CERS6: variants seen among roughly 807,000 people sequenced by gnomAD.
The protein encoded by CERS6 is ceramide synthase 6.
In CERS6, 26 loss-of-function variants were observed where a neutral mutation model predicts 56.8. The observed-to-expected ratio is 0.46, with a 90% CI of 0.34 to 0.63. The LOEUF (loss-of-function observed/expected upper bound fraction) is 0.63. Among genes scored for constraint, CERS6 ranks in the 30% least tolerant of loss-of-function variants. CERS6 has a pLI of 0.01. For synonymous variants in CERS6, 164 were observed against 173.3 expected, an observed-to-expected ratio of 0.95 and a Z score of 0.42; for missense variants, 415 against 467.5, an observed-to-expected ratio of 0.89 and a Z score of 1.04.
At chr2:168,646,086 T>C (rs1404213800) in intron 4 of CERS6, among the ~76,000 whole-genome samples, 1 of 152,204 alleles carries the variant, frequency 6.6e-6, no homozygotes, top group Non-Finnish European at 1.5e-5. Context: ...AAATGGTAGT[T>C]CTGCTTTTAG....
intron 6 of CERS6, among the ~76,000 whole-genome samples, chr2:168,703,143 A>C (rs1008232524): frequency 2.0e-5 from 3 of 152,224 alleles, no homozygotes; most frequent in Middle Eastern, 3.2e-3. Flanking sequence ...TGGGTATGTT[A>C]ATACTGATAG....
intron 1 of CERS6, among the ~76,000 whole-genome samples, chr2:168,543,806 G>A (rs1695415115): frequency 6.6e-6 from 1 of 152,192 alleles, no homozygotes; most frequent in African/African-American, 2.4e-5. Context: ...GGTTGGTAAA[G>A]CCTACGCAAG....
chr2:168,662,740 C>G (rs1462888296), intron 4 of CERS6, among the ~76,000 whole-genome samples: 1 of 152,082 alleles, frequency 6.6e-6, no homozygotes, highest in Non-Finnish European at 1.5e-5. Context: ...CTCAAACAAA[C>G]AAACAAACGA....
At chr2:168,540,808 G>A (rs1003333406) in intron 1 of CERS6, among the ~76,000 whole-genome samples, 1 of 152,068 alleles carries the variant, frequency 6.6e-6, no homozygotes, top group Admixed American at 6.6e-5. Context: ...TTTATCTTTG[G>A]TTTTCATCTG....
chr2:168,737,749 G>T (rs1683760356), intron 8 of CERS6, among the ~76,000 whole-genome samples: 1 of 152,144 alleles, frequency 6.6e-6, no homozygotes, highest in Non-Finnish European at 1.5e-5. Flanking sequence ...GTTTTCTTTT[G>T]TCCTAAAAGT....
At chr2:168,561,627 A>G (rs1267980885) in intron 3 of CERS6, among the ~76,000 whole-genome samples, 6 of 152,212 alleles carry the variant, frequency 3.9e-5, no homozygotes, top group Non-Finnish European at 2.9e-5. Flanking sequence ...TTACTTTTAT[A>G]GATGTGGGTA....
intron 8 of CERS6, among the ~76,000 whole-genome samples, chr2:168,729,341 G>A (rs372086399): frequency 6.6e-6 from 1 of 152,190 alleles, no homozygotes; most frequent in Non-Finnish European, 1.5e-5. Context: ...ATGAAGAACC[G>A]TCGTCAACTA....
In CERS6 at chr2:168,578,984, TAAC is replaced by T. The variant is rs577569003; in HGVS notation, c.407+17665_407+17667del. Among the ~76,000 whole-genome samples, 767 of 152,202 alleles carry T rather than the reference TAAC, an allele frequency of 5.0e-3. 5 individuals carry two copies. Among genetic ancestry groups the T allele is most frequent in the African/African-American group, 0.018 (734 of 41,556 alleles). ...AGTTTTAATCTGAACAAGAACAAAATAACAATTCCTTTGGTTAAATATAATAAA... is the reference window on the plus strand; with the variant it reads ...AGTTTTAATCTGAACAAGAACAAAATAATTCCTTTGGTTAAATATAATAAA... On this transcript the variant is annotated intron_variant, in intron 3 of 9. Transcript: ENST00000305747.
intron 4 of CERS6, among the ~76,000 whole-genome samples, chr2:168,636,018 T>G (rs1684852786): frequency 1.3e-5 from 2 of 152,240 alleles, no homozygotes; most frequent in African/African-American, 4.8e-5. Flanking sequence ...TTTAAGATTT[T>G]GTTCTCTGTG....
At chr2:168,744,298 TC>T (rs1559077138) in intron 8 of CERS6, among the ~76,000 whole-genome samples, 1 of 152,092 alleles carries the variant, frequency 6.6e-6, no homozygotes, top group African/African-American at 2.4e-5. Flanking sequence ...GAGCCACCGT[TC>T]CCGGCCTGTT....
chr2:168,744,955 T>G (rs907637047), intron 8 of CERS6, among the ~76,000 whole-genome samples: 1 of 152,186 alleles, frequency 6.6e-6, no homozygotes. Flanking sequence ...TAATTAAATT[T>G]TAATCTCTGG....
At chr2:168,490,307 T>C (rs901716927) in intron 1 of CERS6, among the ~76,000 whole-genome samples, 1 of 152,178 alleles carries the variant, frequency 6.6e-6, no homozygotes, top group Non-Finnish European at 1.5e-5. Context: ...TGAGGGCTCC[T>C]TTTCCAGGTT....
chr2:168,559,734 C>CATATATATATATATATATAT (rs1491336787), intron 2 of CERS6, among the ~76,000 whole-genome samples: 1 of 85,506 alleles, frequency 1.2e-5, no homozygotes, highest in Non-Finnish European at 2.5e-5. Context: ...AGAAAGGTAT[C>CATATATATATATATATATAT]ATATATATAT....
At chr2:168,671,187 C>T (rs567221535) in intron 4 of CERS6, among the ~76,000 whole-genome samples, 7 of 151,814 alleles carry the variant, frequency 4.6e-5, no homozygotes, top group Non-Finnish European at 8.8e-5. Context: ...GGATGGTCTC[C>T]ATCTCCTGAC....
intron 3 of CERS6, among the ~76,000 whole-genome samples, chr2:168,599,519 G>GTT (rs1219388155): frequency 6.6e-6 from 1 of 152,166 alleles, no homozygotes; most frequent in Non-Finnish European, 1.5e-5. Flanking sequence ...AAATCCAACT[G>GTT]TGAGTGCTAG....
intron 3 of CERS6, among the ~76,000 whole-genome samples, chr2:168,628,680 C>T (rs531567025): frequency 1.1e-4 from 16 of 152,254 alleles, no homozygotes; most frequent in South Asian, 4.2e-4. Context: ...GCAAAGTTTC[C>T]GACTGATACA....
At chr2:168,688,551 T>C (rs1307204658) in intron 4 of CERS6, among the ~76,000 whole-genome samples, 1 of 152,216 alleles carries the variant, frequency 6.6e-6, no homozygotes, top group Non-Finnish European at 1.5e-5. Flanking sequence ...GGAAAGATAT[T>C]TGTTCCACTG....
chr2:168,536,502 C>T (rs1236137089), intron 1 of CERS6, among the ~76,000 whole-genome samples: 3 of 152,140 alleles, frequency 2.0e-5, no homozygotes, highest in Non-Finnish European at 4.4e-5. Context: ...ATCTGCTTCA[C>T]TATAGTAGCC....
At chr2:168,541,503 G>A (rs1177665507) in intron 1 of CERS6, among the ~76,000 whole-genome samples, 2 of 151,092 alleles carry the variant, frequency 1.3e-5, no homozygotes, top group African/African-American at 4.9e-5. Context: ...AGATTGCATG[G>A]TTCAGGTTCA....
Sources: allele counts gnomAD v4.1 joint callset (sites outside exome capture counted in the v4.1 genomes callset), GRCh38; gene constraint gnomAD v4.1.1; transcripts MANE v1.5; gene names NCBI Gene and HGNC (gene_info 2026-07-23, HGNC 2026-07-21).